Variants in RBFOX2 observed in about 807,000 individuals in gnomAD.
RBFOX2 encodes the protein RNA binding fox-1 homolog 2, also known as RNA binding protein fox-1 homolog 2.
Under a neutral mutation model 49.1 loss-of-function variants are expected in RBFOX2, and 10 were observed. That is an observed-to-expected ratio of 0.20 (90% CI 0.13 to 0.35). The LOEUF is 0.35. Among genes scored for constraint, RBFOX2 ranks in the 10% least tolerant of loss-of-function variants. The pLI, the probability that RBFOX2 is intolerant of heterozygous loss-of-function variation, is 1.00. For synonymous variants in RBFOX2, 183 were observed against 187.4 expected, an observed-to-expected ratio of 0.98 and a Z score of 0.19; for missense variants, 323 against 486.9, an observed-to-expected ratio of 0.66 and a Z score of 3.17.
At chr22:35,940,802 C>G (rs2149760488), upstream of RBFOX2, among the ~76,000 whole-genome samples, 1 of 152,106 alleles carries the variant, frequency 6.6e-6, no homozygotes, top group Non-Finnish European at 1.5e-5. Context: ...ACTGAAAACA[C>G]CATGCTTGAA....
rs1385533710 is a variant in RBFOX2 at position 35,957,421 on chromosome 22, TTC to T, written c.42+4140_42+4141del. On this transcript the variant is annotated intron_variant, in intron 1 of 5. Coordinates refer to the RBFOX2 transcript ENST00000408983. The stretch of plus-strand genomic sequence containing the variant: ...ACCCATAGGGATCATCTAATTCTAA[TTC>T]AGCTACTTTACTTGCACCCTCCTTA... Among the ~76,000 whole-genome samples the T allele has an allele frequency of 2.1e-4, 32 of 152,318 alleles. No individual in the cohort carries two copies. In the East Asian group the frequency reaches 6.0e-3, roughly 28 times the overall value.
chr22:35,746,492 C>G (rs1281377303), exon 10 of RBFOX2: 1 of 1,604,398 alleles, frequency 6.2e-7, no homozygotes, highest in Non-Finnish European at 8.5e-7. Flanking sequence ...TAAGCGGCTG[C>G]AGCGGCTGCA....
At chr22:35,866,171 G>T (rs1018034603) in intron 1 of RBFOX2, among the ~76,000 whole-genome samples, 1 of 152,132 alleles carries the variant, frequency 6.6e-6, no homozygotes, top group Non-Finnish European at 1.5e-5. Context: ...AATAACAAAA[G>T]ACTTTTGGGG....
chr22:35,907,535 T>A (rs1170048135), intron 1 of RBFOX2, among the ~76,000 whole-genome samples: 1 of 152,198 alleles, frequency 6.6e-6, no homozygotes, highest in Non-Finnish European at 1.5e-5. Flanking sequence ...GAAAGACAAA[T>A]GAATCTCTCT....
chr22:35,938,822 T>C, intron 1 of RBFOX2, 25 bp downstream of exon 2: 1 of 1,601,452 alleles, frequency 6.2e-7, no homozygotes, highest in Non-Finnish European at 8.6e-7. Flanking sequence ...ATACATCATC[T>C]GAGTTACAAA....
chr22:35,830,057 T>C (rs540376804), intron 1 of RBFOX2, among the ~76,000 whole-genome samples: 208 of 152,328 alleles, frequency 1.4e-3, no homozygotes, highest in Non-Finnish European at 2.7e-3. Flanking sequence ...GTGCTAAGTA[T>C]TAACTGATTT....
chr22:35,808,404 C>A (rs879908470), intron 2 of RBFOX2, among the ~76,000 whole-genome samples: 19 of 152,058 alleles, frequency 1.2e-4, no homozygotes, highest in Admixed American at 2.0e-4. Flanking sequence ...AAATTGAAAG[C>A]ATTTATGGGT....
At chr22:35,763,406 A>C (rs971663481) in intron 6 of RBFOX2, among the ~76,000 whole-genome samples, 2 of 152,078 alleles carry the variant, frequency 1.3e-5, no homozygotes, top group African/African-American at 4.8e-5. Flanking sequence ...TACTAAAAAT[A>C]CAAAAATTAG....
intron 1 of RBFOX2, among the ~76,000 whole-genome samples, chr22:36,013,646 CACAGAGAG>C (rs2058916456): frequency 6.8e-6 from 1 of 147,162 alleles, no homozygotes; most frequent in Admixed American, 6.6e-5. Flanking sequence ...CACACACACA[CACAGAGAG>C]AGAGAGAGAG....
intron 6 of RBFOX2, among the ~76,000 whole-genome samples, chr22:35,762,393 A>G (rs1329919898): frequency 6.6e-6 from 1 of 151,894 alleles, no homozygotes; most frequent in Non-Finnish European, 1.5e-5. Flanking sequence ...AAAATACTCT[A>G]TATTATATAT....
intron 2 of RBFOX2, among the ~76,000 whole-genome samples, chr22:35,792,679 G>A (rs1316106916): frequency 6.6e-6 from 1 of 152,074 alleles, no homozygotes; most frequent in African/African-American, 2.4e-5. Flanking sequence ...ATTCTCTCAT[G>A]GTTACACATT....
intron 1 of RBFOX2, among the ~76,000 whole-genome samples, chr22:35,990,435 G>A (rs2057926798): frequency 6.6e-6 from 1 of 152,050 alleles, no homozygotes; most frequent in South Asian, 2.1e-4. Flanking sequence ...ATACAGAGAG[G>A]GCCAATGCAC....
chr22:35,993,877 C>T (rs2058077134), intron 1 of RBFOX2: 1 of 152,152 alleles, frequency 6.6e-6, no homozygotes, highest in Admixed American at 6.5e-5. Flanking sequence ...ATCCCAGTTA[C>T]TCAGGAGGCT....
In RBFOX2 at chr22:35,791,035, C is replaced by A. The variant is rs116077031; in HGVS notation, c.253-9289G>T. ...AACAAAAAACAAACACACACACACA[C>A]AAAAAAAGCAAGCAAGGAAACAAGC... On this transcript the variant is annotated intron_variant, in intron 2 of 11. Transcript: ENST00000405409. 7.4e-3 allele frequency among the ~76,000 whole-genome samples: 1,122 copies of A among 150,884 alleles called. 10 individuals carry two copies. Among genetic ancestry groups the A allele is most frequent in the African/African-American group, 0.021 (868 of 41,094 alleles).
At chr22:35,979,359 G>C (rs982535951) in intron 1 of RBFOX2, among the ~76,000 whole-genome samples, 19 of 152,200 alleles carry the variant, frequency 1.2e-4, no homozygotes, top group African/African-American at 4.3e-4. Flanking sequence ...AAATGTTAAC[G>C]AAGTCTGTGG....
chr22:35,979,385 G>A (rs2057350514), intron 1 of RBFOX2, among the ~76,000 whole-genome samples: 1 of 152,226 alleles, frequency 6.6e-6, no homozygotes, highest in South Asian at 2.1e-4. Context: ...TGGTCGCGTT[G>A]TACTAATATT....
At chr22:35,967,230 A>G (rs563819106) in intron 1 of RBFOX2, among the ~76,000 whole-genome samples, 4 of 152,292 alleles carry the variant, frequency 2.6e-5, no homozygotes, top group Admixed American at 1.3e-4. Context: ...CAGTTCAAGT[A>G]AAGAATATCA....
chr22:36,005,196 C>T (rs1441348485), intron 1 of RBFOX2, among the ~76,000 whole-genome samples: 1 of 152,166 alleles, frequency 6.6e-6, no homozygotes, highest in African/African-American at 2.4e-5. Context: ...TACTAAGCAA[C>T]CTTAAGGAAA....
At chr22:35,813,636 C>T (rs1952376934) in intron 1 of RBFOX2, among the ~76,000 whole-genome samples, 1 of 152,156 alleles carries the variant, frequency 6.6e-6, no homozygotes, top group African/African-American at 2.4e-5. Context: ...TCATACTTAG[C>T]AAACGTAAAT....
Sources: gnomAD v4.1 joint callset for allele counts (sites outside exome capture counted in the v4.1 genomes callset) on GRCh38, gnomAD v4.1.1 for gene constraint, MANE v1.5 for transcripts, NCBI Gene and HGNC (gene_info 2026-07-23, HGNC 2026-07-21) for gene names.